Variants in RBFOX1 observed in about 807,000 individuals in gnomAD.
RBFOX1 encodes RNA binding protein fox-1 homolog 1.
A neutral mutation model predicts 57.7 loss-of-function variants in RBFOX1; 8 were observed. The observed-to-expected ratio is 0.14, with a 90% CI of 0.08 to 0.25. RBFOX1 has a LOEUF of 0.25. Ranked by LOEUF, RBFOX1 falls within the 10% of genes least tolerant of loss-of-function variation. The probability of loss-of-function intolerance (pLI) is 1.00; values close to 1 mark genes in which losing one functional copy is unlikely to be tolerated. For synonymous variants in RBFOX1, 326 were observed against 222.4 expected (o/e 1.47, Z -4.15); for missense variants, 611 against 548.5 (o/e 1.11, Z -1.14).
intron 4 of RBFOX1, among the ~76,000 whole-genome samples, chr16:7,179,164 G>A (rs892288002): frequency 6.6e-6 from 1 of 151,956 alleles, no homozygotes; most frequent in African/African-American, 2.4e-5. Context: ...GCATTTGGGG[G>A]TAGGAGGTTG....
At chr16:6,844,911 T>A (rs1056513926) in intron 3 of RBFOX1, among the ~76,000 whole-genome samples, 10 of 152,344 alleles carry the variant, frequency 6.6e-5, no homozygotes, top group Admixed American at 5.2e-4. Context: ...ATTGTGGTTT[T>A]GATTTGAATT....
chr16:5,625,354 A>G (rs1350263862), intron 3 of RBFOX1, among the ~76,000 whole-genome samples: 1 of 151,996 alleles, frequency 6.6e-6, no homozygotes, highest in African/African-American at 2.4e-5. Flanking sequence ...TCTGATGCTC[A>G]CTGCAGTTCT....
chr16:5,941,840 G>A (rs1244119049), intron 4 of RBFOX1, among the ~76,000 whole-genome samples: 4 of 152,092 alleles, frequency 2.6e-5, no homozygotes, highest in South Asian at 4.2e-4. Context: ...GAGAGCCAGC[G>A]TTAGTATGGA....
chr16:5,980,436 C>G lies in RBFOX1; in HGVS notation c.351+113101C>G, dbSNP rs556326608. Among the ~76,000 whole-genome samples the G allele has an allele frequency of 2.0e-5, 3 of 152,244 alleles. No homozygotes were observed. The South Asian group carries it at 6.2e-4, about 32-fold the overall frequency. On this transcript the variant is annotated intron_variant, in intron 4 of 19. Coordinates refer to the RBFOX1 transcript ENST00000641259. ...GGGGAGCTTCAGGGTGTCTCAGGATCCTGCAGGAGGCCGAATTCTCGCTCT... is the reference window on the plus strand; with the variant it reads ...GGGGAGCTTCAGGGTGTCTCAGGATGCTGCAGGAGGCCGAATTCTCGCTCT...
At chr16:7,250,254 A>G (rs972835149) in intron 4 of RBFOX1, among the ~76,000 whole-genome samples, 5 of 152,186 alleles carry the variant, frequency 3.3e-5, no homozygotes, top group Non-Finnish European at 1.5e-5. Flanking sequence ...TGGATTAGCC[A>G]TTAGGTGAAA....
chr16:6,670,978 T>G (rs574609059), intron 3 of RBFOX1, among the ~76,000 whole-genome samples: 15 of 152,266 alleles, frequency 9.9e-5, no homozygotes, highest in Middle Eastern at 3.4e-3. Context: ...CCAGCCTGGG[T>G]GACAGAGCGA....
Position 7,052,084 on chromosome 16 carries a change from A to G in RBFOX1, c.13A>G (p.Arg5Gly), listed in dbSNP as rs1197417698. The change falls in exon 4 of 16, where the codon AGA becomes GGA. Residue 5 changes from arginine to glycine, a missense_variant. Arg to Gly is a moderately radical substitution (Grantham distance 125). Around this residue, in one of 3 missense-constraint regions of RBFOX1, gnomAD observed 245 missense variants for 159.1 expected, o/e 1.54. Coordinates refer to ENST00000550418, the MANE Select transcript of RBFOX1 (RefSeq NM_018723.4). ...TTCAAGACAACAGATGAATTGTGAA[A>G]GAGAGCAGCTAAGGGTAGGTGCACC... MNCE[R>G]EQLRGNQEAA... 5.0e-6 allele frequency: 8 copies of G among 1,611,892 alleles called. No individual in the cohort carries two copies. The highest frequency in any genetic ancestry group is 6.8e-6 in the Non-Finnish European group (8 of 1,179,346).
At chr16:6,201,232 T>C (rs936431235) in intron 1 of RBFOX1, among the ~76,000 whole-genome samples, 1 of 152,136 alleles carries the variant, frequency 6.6e-6, no homozygotes, top group African/African-American at 2.4e-5. Context: ...GTGGCTTCCA[T>C]TCCTTGGCTA....
At chr16:5,968,492 G>T (rs2059896938) in intron 4 of RBFOX1, among the ~76,000 whole-genome samples, 1 of 152,080 alleles carries the variant, frequency 6.6e-6, no homozygotes, top group Non-Finnish European at 1.5e-5. Context: ...TAGAACACGT[G>T]GGTCACTTTA....
At chr16:5,828,002 C>T (rs1194888965) in intron 3 of RBFOX1, among the ~76,000 whole-genome samples, 2 of 145,178 alleles carry the variant, frequency 1.4e-5, no homozygotes, top group African/African-American at 5.1e-5. Flanking sequence ...TCCAATCCAT[C>T]CATCCATCAT....
chr16:7,640,805 A>G (rs935714984), intron 11 of RBFOX1, among the ~76,000 whole-genome samples: 6 of 152,268 alleles, frequency 3.9e-5, no homozygotes, highest in African/African-American at 1.4e-4. Context: ...CAGAGTCAAG[A>G]GAAATCCTTC....
intron 3 of RBFOX1, among the ~76,000 whole-genome samples, chr16:6,994,766 G>C (rs1283146730): frequency 6.6e-6 from 1 of 152,132 alleles, no homozygotes; most frequent in African/African-American, 2.4e-5. Flanking sequence ...TGTTATGCTT[G>C]AAACATTTAT....
At chr16:6,623,524 A>C (rs868233099) in intron 2 of RBFOX1, among the ~76,000 whole-genome samples, 2 of 151,444 alleles carry the variant, frequency 1.3e-5, no homozygotes, top group Admixed American at 6.6e-5. Context: ...TACGTTTGCC[A>C]TGTTGGTGTG....
intron 2 of RBFOX1, among the ~76,000 whole-genome samples, chr16:6,381,237 G>C (rs1238237815): frequency 6.6e-6 from 1 of 152,146 alleles, no homozygotes; most frequent in Non-Finnish European, 1.5e-5. Flanking sequence ...TGCATATATT[G>C]CGTAGTGATG....
rs73549053 is a variant in RBFOX1, at chr16:7,371,395, C to G, written c.28-146752C>G. 7.7e-3 allele frequency among the ~76,000 whole-genome samples: 1,172 copies of G among 152,230 alleles called. 16 individuals are homozygous for G. Among genetic ancestry groups the G allele is most frequent in the African/African-American group, 0.026 (1,063 of 41,530 alleles). Reference sequence around the variant, plus strand: ...GCCCATCTCCAAATCTTGGATCTTACTAAAGCTAATCAGTATCAGCGGCCA... The same window carrying G: ...GCCCATCTCCAAATCTTGGATCTTAGTAAAGCTAATCAGTATCAGCGGCCA... On this transcript the variant is annotated intron_variant, in intron 4 of 15. Transcript: ENST00000550418.
At chr16:6,265,864 A>C (rs1165881878) in intron 1 of RBFOX1, among the ~76,000 whole-genome samples, 2 of 151,548 alleles carry the variant, frequency 1.3e-5, no homozygotes, top group Non-Finnish European at 2.9e-5. Flanking sequence ...TCTCCTCCTC[A>C]CTTCTTGTAC....
At chr16:6,718,838 CT>C (rs1165809647) in intron 3 of RBFOX1, among the ~76,000 whole-genome samples, 4 of 151,996 alleles carry the variant, frequency 2.6e-5, no homozygotes, top group African/African-American at 9.7e-5. Flanking sequence ...ATGTTTCTTT[CT>C]TTTTTTCTTA....
intron 2 of RBFOX1, among the ~76,000 whole-genome samples, chr16:6,444,470 A>C (rs560436135): frequency 6.6e-6 from 1 of 152,120 alleles, no homozygotes; most frequent in Admixed American, 6.5e-5. Context: ...TGTGATAATG[A>C]ATAAGTCTCA....
intron 3 of RBFOX1, among the ~76,000 whole-genome samples, chr16:6,810,534 CT>C (rs1015708756): frequency 2.0e-5 from 3 of 151,342 alleles, no homozygotes; most frequent in African/African-American, 4.9e-5. Context: ...CCAAAAACCT[CT>C]TTTTTTTTCC....
Sources: gnomAD v4.1 joint callset for allele counts (sites outside exome capture counted in the v4.1 genomes callset) on GRCh38, gnomAD v4.1.1 for gene constraint, gnomAD v4.1.1 regional missense constraint, MANE v1.5 for transcripts, NCBI Gene and HGNC (gene_info 2026-07-23, HGNC 2026-07-21) for gene names.